LDLRAD4: variants seen among roughly 807,000 people sequenced by gnomAD.
LDLRAD4 encodes low-density lipoprotein receptor class A domain-containing protein 4.
Under a neutral mutation model 17.0 loss-of-function variants are expected in LDLRAD4, and 5 were observed. That is an observed-to-expected ratio of 0.29 (90% CI 0.15 to 0.62). LDLRAD4 has a LOEUF of 0.62. LDLRAD4 is among the 20% of genes least tolerant of loss of function. The pLI, the probability that LDLRAD4 is intolerant of heterozygous loss-of-function variation, is 0.84. For synonymous variants in LDLRAD4, 168 were observed against 171.8 expected (o/e 0.98, Z 0.17); for missense variants, 340 against 424.7 (o/e 0.80, Z 1.75).
chr18:13,649,772 G>GGAAAGA, exon 6 of LDLRAD4: 1 of 354,834 alleles, frequency 2.8e-6, no homozygotes, highest in Non-Finnish European at 5.0e-6. Flanking sequence ...AAGATACTTG[G>GGAAAGA]TTTCTGTTAA....
chr18:13,260,598 C>T (rs76970841), intron 1 of LDLRAD4, among the ~76,000 whole-genome samples: 1 of 152,226 alleles, frequency 6.6e-6, no homozygotes. Flanking sequence ...TAGCATTTCT[C>T]TGACTCAGCC....
At chr18:13,536,997 C>G (rs919655586) in intron 3 of LDLRAD4, among the ~76,000 whole-genome samples, 1 of 151,908 alleles carries the variant, frequency 6.6e-6, no homozygotes, top group Non-Finnish European at 1.5e-5. Flanking sequence ...TGTATTATTC[C>G]TTTTATATAT....
At position 13,615,523 on chromosome 18, in the gene LDLRAD4, G is replaced by A. The variant is rs147532416; in HGVS notation, c.182-5594G>A. 73 of 152,346 alleles carry A rather than the reference G, an allele frequency of 4.8e-4. 1 individual carries two copies. The highest frequency in any genetic ancestry group is 1.7e-3 in the African/African-American group (71 of 41,572). The allele number at this position is 152,346 out of a possible 1,614,324, so 9.4% of individuals were successfully genotyped here. A position where few individuals can be genotyped will look rare whatever the true frequency, so the allele number is the denominator to read the frequency against. Reference sequence around the variant, plus strand: ...ACACTCATGCCTCTAGTATGATTCAGTTCAGCTCCTCATTGAACCAGGGAA... The same window carrying A: ...ACACTCATGCCTCTAGTATGATTCAATTCAGCTCCTCATTGAACCAGGGAA... On this transcript the variant is annotated intron_variant, in intron 3 of 5. Transcript: ENST00000359446.
At chr18:13,278,184 A>G (rs2045011312) in exon 1 of LDLRAD4, 1 of 152,254 alleles carries the variant, frequency 6.6e-6, no homozygotes, top group Admixed American at 6.5e-5. Flanking sequence ...TGTATAGTGT[A>G]AAAGGTAAGT....
chr18:13,599,499 T>A (rs976241545), intron 3 of LDLRAD4, among the ~76,000 whole-genome samples: 2 of 148,424 alleles, frequency 1.3e-5, no homozygotes, highest in African/African-American at 5.0e-5. Flanking sequence ...TTTTTTTTTT[T>A]TTTTTTTTTG....
At chr18:13,591,909 T>G (rs1440408963) in intron 3 of LDLRAD4, among the ~76,000 whole-genome samples, 1 of 152,202 alleles carries the variant, frequency 6.6e-6, no homozygotes, top group Non-Finnish European at 1.5e-5. Context: ...TAACATTTTA[T>G]AGATGAGGAA....
intron 3 of LDLRAD4, among the ~76,000 whole-genome samples, chr18:13,609,321 G>A (rs894446565): frequency 3.9e-5 from 6 of 152,140 alleles, no homozygotes; most frequent in African/African-American, 1.4e-4. Context: ...ACTTGACCTC[G>A]GAACTTCCTT....
intron 1 of LDLRAD4, among the ~76,000 whole-genome samples, chr18:13,270,307 A>G (rs1056249385): frequency 6.6e-6 from 1 of 151,824 alleles, no homozygotes; most frequent in African/African-American, 2.4e-5. Flanking sequence ...AGAGCCTGCT[A>G]TGAGCTGTGA....
At chr18:13,418,825 C>T (rs780330150) in intron 2 of LDLRAD4, among the ~76,000 whole-genome samples, 1 of 152,148 alleles carries the variant, frequency 6.6e-6, no homozygotes, top group Non-Finnish European at 1.5e-5. Context: ...GAAGCTAAGC[C>T]GCCACACCTG....
intron 3 of LDLRAD4, among the ~76,000 whole-genome samples, chr18:13,466,593 T>C (rs1390658351): frequency 6.6e-6 from 1 of 152,152 alleles, no homozygotes; most frequent in Non-Finnish European, 1.5e-5. Flanking sequence ...TTAACCTTCT[T>C]TGATTATAAA....
At chr18:13,539,551 T>A (rs2094246870) in intron 3 of LDLRAD4, among the ~76,000 whole-genome samples, 2 of 152,186 alleles carry the variant, frequency 1.3e-5, no homozygotes, top group African/African-American at 4.8e-5. Flanking sequence ...CCCCCTTTCC[T>A]CCTCTTTCAA....
At chr18:13,601,616 G>A (rs1020552181) in intron 3 of LDLRAD4, among the ~76,000 whole-genome samples, 2 of 150,042 alleles carry the variant, frequency 1.3e-5, no homozygotes, top group African/African-American at 2.5e-5. Flanking sequence ...ATTGCGCCAC[G>A]GCACTCCAGC....
chr18:13,633,596 CCCAAATTGTGACACACCTGG>C (rs1214461343), intron 4 of LDLRAD4, among the ~76,000 whole-genome samples: 12 of 152,306 alleles, frequency 7.9e-5, no homozygotes, highest in East Asian at 3.9e-4. Context: ...TCAGCGCTGC[CCCAAATTGTGACACACCTGG>C]CCAAATTGTG....
rs780882046 is a variant in LDLRAD4, at chr18:13,621,529, C to T, written c.336+258C>T. On this transcript the variant is annotated intron_variant, in intron 4 of 5. Transcript: ENST00000359446. The surrounding 1 kb of genome is among the most constrained non-coding windows in gnomAD (Gnocchi z 5.5). ...AGGTCTCCCCTGGATCTTTGCTGCC[C>T]GACGTGGCTTTGCCAGCTTCTGAGC... Among the ~76,000 whole-genome samples the T allele has an allele frequency of 1.3e-5, 2 of 152,224 alleles. No individual in the cohort carries two copies. Among genetic ancestry groups the T allele is most frequent in the South Asian group, 2.1e-4 (1 of 4,832 alleles).
At chr18:13,518,014 G>A (rs1476618739) in intron 3 of LDLRAD4, among the ~76,000 whole-genome samples, 7 of 152,184 alleles carry the variant, frequency 4.6e-5, no homozygotes, top group South Asian at 4.1e-4. Context: ...GATTATAGGC[G>A]TGAGCCACCG....
chr18:13,496,015 C>A (rs1364051552), intron 3 of LDLRAD4, among the ~76,000 whole-genome samples: 2 of 152,162 alleles, frequency 1.3e-5, no homozygotes, highest in African/African-American at 4.8e-5. Context: ...TCTGGCGCTC[C>A]CACCACCCGC....
In LDLRAD4 at chr18:13,442,695, G is replaced by A. The variant is rs1211625868; in HGVS notation, c.181+4311G>A. On this transcript the variant is annotated intron_variant, in intron 3 of 5. Coordinates refer to ENST00000359446, the Ensembl canonical transcript of LDLRAD4. The stretch of plus-strand genomic sequence containing the variant: ...CCTGCCCAGCCAAGCACGTCCTGTG[G>A]TGCTGTGTTTCCAAAGCCCCTTGGC... 2.6e-5 allele frequency among the ~76,000 whole-genome samples: 4 copies of A among 152,214 alleles called. No individual in the cohort carries two copies. In the East Asian group the frequency reaches 7.7e-4, roughly 29 times the overall value.
chr18:13,470,548 C>T (rs921559716), intron 3 of LDLRAD4, among the ~76,000 whole-genome samples: 15 of 147,390 alleles, frequency 1.0e-4, no homozygotes, highest in Admixed American at 7.5e-4. Context: ...GGAAGTCACC[C>T]TGCCCCTGTC....
chr18:13,554,052 A>G (rs1037659289), intron 3 of LDLRAD4, among the ~76,000 whole-genome samples: 1 of 151,840 alleles, frequency 6.6e-6, no homozygotes, highest in Non-Finnish European at 1.5e-5. Context: ...ACATGATCCC[A>G]CTTTTGTCTG....
Sources: allele counts gnomAD v4.1 joint callset (sites outside exome capture counted in the v4.1 genomes callset), GRCh38; gene constraint gnomAD v4.1.1; non-coding constraint Gnocchi (gnomAD v3.1); transcripts MANE v1.5; gene names NCBI Gene and HGNC (gene_info 2026-07-23, HGNC 2026-07-21).